Variants in CEACAM18 observed in about 807,000 individuals in gnomAD.
CEACAM18 encodes the protein CEA cell adhesion molecule 18.
CEACAM18 carries 33 observed loss-of-function variants against 34.3 expected under a neutral mutation model. The ratio of observed to expected loss-of-function variants is 0.96; its 90% CI spans 0.73 to 1.29. The LOEUF is 1.29. Ranked by LOEUF, CEACAM18 falls within the 50% of genes most tolerant of loss-of-function variation. The pLI, the probability that CEACAM18 is intolerant of heterozygous loss-of-function variation, is 0.00. For synonymous variants in CEACAM18, 169 were observed against 180.9 expected (o/e 0.93, Z 0.53); for missense variants, 474 against 485.0 (o/e 0.98, Z 0.21).
intron 4 of CEACAM18, among the ~76,000 whole-genome samples, chr19:51,483,744 C>A (rs1989957006): frequency 6.6e-6 from 1 of 152,212 alleles, no homozygotes; most frequent in Non-Finnish European, 1.5e-5. Context: ...ACACCCTCAA[C>A]TGCTCCCTTC....
intron 3 of CEACAM18, 39 bp downstream of exon 3, chr19:51,481,704 G>T (rs761765062): frequency 3.8e-6 from 6 of 1,582,864 alleles, no homozygotes; most frequent in Non-Finnish European, 5.2e-6. Flanking sequence ...GCCAGGGCTG[G>T]TCTCAGGGCT....
chr19:51,478,966 A>G (rs533448170), intron 1 of CEACAM18, among the ~76,000 whole-genome samples: 13 of 141,064 alleles, frequency 9.2e-5, no homozygotes, highest in East Asian at 2.1e-4. Context: ...ACACACACAC[A>G]CGCGCGCACA....
intron 3 of CEACAM18, among the ~76,000 whole-genome samples, chr19:51,482,811 C>T (rs1207780879): frequency 6.6e-6 from 1 of 152,214 alleles, no homozygotes; most frequent in East Asian, 1.9e-4. Flanking sequence ...ATGTAAATGG[C>T]ACCATGGGCC....
rs914502360 is a variant in CEACAM18, at chr19:51,484,978, T to C, written c.954-9T>C. On this transcript the variant is annotated splice_polypyrimidine_tract_variant and intron_variant, in intron 4 of 5. Transcript: ENST00000396477. The stretch of plus-strand genomic sequence containing the variant: ...GTGGTCCTGACCCCCAGGTGTCCTC[T>C]TCCTTCAGGGATCTTACCTGTTGTC... 3 of 1,536,144 alleles carry C rather than the reference T, an allele frequency of 2.0e-6. No homozygotes were observed. The highest frequency in any genetic ancestry group is 2.6e-6 in the Non-Finnish European group (3 of 1,146,902).
intron 5 of CEACAM18, among the ~76,000 whole-genome samples, chr19:51,489,378 CT>C (rs1990052827): frequency 6.6e-6 from 1 of 151,760 alleles, no homozygotes; most frequent in South Asian, 2.1e-4. Context: ...TTCAGCTCCC[CT>C]TCTCCCTCCC....
At chr19:51,484,204 C>T (rs1989963909) in intron 4 of CEACAM18, among the ~76,000 whole-genome samples, 1 of 152,194 alleles carries the variant, frequency 6.6e-6, no homozygotes, top group South Asian at 2.1e-4. Context: ...ACACTACCTC[C>T]TAAGCACCTA....
At chr19:51,483,364 C>G (rs1238739345) in intron 4 of CEACAM18, 68 bp downstream of exon 4, 1 of 1,570,560 alleles carries the variant, frequency 6.4e-7, no homozygotes, top group Non-Finnish European at 8.7e-7. Context: ...CTAGGCAGTG[C>G]CCACCCTCAG....
chr19:51,478,541 GA>G, upstream of CEACAM18: 2 of 1,080,424 alleles, frequency 1.9e-6, no homozygotes, highest in Non-Finnish European at 2.8e-6. Context: ...TGGGAGACGA[GA>G]CCGGCAGCCT....
intron 5 of CEACAM18, among the ~76,000 whole-genome samples, chr19:51,489,262 T>C (rs991105005): frequency 1.3e-5 from 2 of 151,108 alleles, no homozygotes; most frequent in Non-Finnish European, 3.0e-5. Flanking sequence ...CCCCCACATT[T>C]CACCAAGCTC....
At chr19:51,490,659 G>A (rs1990074771) in exon 6 of CEACAM18, 7 of 1,229,572 alleles carry the variant, frequency 5.7e-6, no homozygotes, top group Non-Finnish European at 6.1e-6. Flanking sequence ...GTGAGGAGAG[G>A]GTGATGGAGA....
Position 51,484,977 on chromosome 19 carries a change from C to T in CEACAM18, c.954-10C>T, listed in dbSNP as rs1213918562. 4 of 1,536,132 alleles carry T rather than the reference C, an allele frequency of 2.6e-6. No homozygotes were observed. Among genetic ancestry groups the T allele is most frequent in the South Asian group, 1.2e-5 (1 of 84,054 alleles). ...CGTGGTCCTGACCCCCAGGTGTCCT[C>T]TTCCTTCAGGGATCTTACCTGTTGT... On this transcript the variant is annotated splice_polypyrimidine_tract_variant and intron_variant, in intron 4 of 5. Coordinates refer to ENST00000396477, the Ensembl canonical transcript of CEACAM18.
At chr19:51,478,550 C>G (rs202002299), upstream of CEACAM18, 56 of 1,157,408 alleles carry the variant, frequency 4.8e-5, no homozygotes, top group African/African-American at 7.0e-4. Flanking sequence ...AGACCGGCAG[C>G]CTCTGTGCCA....
At chr19:51,480,816 C>A in intron 2 of CEACAM18, 136 bp downstream of exon 2, 2 of 796,562 alleles carry the variant, frequency 2.5e-6, no homozygotes, top group South Asian at 1.8e-5. Flanking sequence ...GTACCATGGA[C>A]AGCTCCTGGG....
In CEACAM18 at chr19:51,480,691, A is replaced by G; in HGVS notation, c.400+11A>G. Reference sequence around the variant, plus strand: ...GGCTGGAGGTTCTAGGTGGGTTAGCAGGTGCTGTGTTTCCCAACCCCCAAG... The same window carrying G: ...GGCTGGAGGTTCTAGGTGGGTTAGCGGGTGCTGTGTTTCCCAACCCCCAAG... On this transcript the variant is annotated intron_variant, in intron 2 of 5. Transcript: ENST00000396477. 1 of 1,602,852 alleles carries G rather than the reference A, an allele frequency of 6.2e-7. No homozygotes were observed. The highest frequency in any genetic ancestry group is 8.5e-7 in the Non-Finnish European group (1 of 1,173,712).
Position 51,478,666 on chromosome 19 carries a change from G to A in CEACAM18, c.24G>A (p.Trp8Ter), listed in dbSNP as rs1210897253. 1.3e-6 allele frequency: 2 copies of A among 1,499,152 alleles called. No homozygotes were observed. Among genetic ancestry groups the A allele is most frequent in the Non-Finnish European group, 8.9e-7 (1 of 1,120,876 alleles). The allele number at this position is 1,499,152 out of a possible 1,614,324, so 92.9% of individuals were successfully genotyped here. A position where few individuals can be genotyped will look rare whatever the true frequency, so the allele number is the denominator to read the frequency against. Residue 8 changes from tryptophan (W) to a stop codon, truncating the protein, a stop_gained, in exon 1 of 6, where the codon TGG (tryptophan) becomes TGA (stop). Transcript: ENST00000396477. LOFTEE classifies it high-confidence loss of function. ...TCATGGACCTTTCCAGACCCAGATG[G>A]AGCCTGTGGAGGAGGGTCTTCCTCA...
exon 2 of CEACAM18, chr19:51,480,596 G>A: frequency 6.2e-7 from 1 of 1,614,010 alleles, no homozygotes. Flanking sequence ...CAGGCCGACT[G>A]CATTAAATGA....
intron 5 of CEACAM18, among the ~76,000 whole-genome samples, chr19:51,485,973 G>C (rs1219530079): frequency 2.6e-5 from 4 of 152,210 alleles, no homozygotes; most frequent in Admixed American, 2.6e-4. Context: ...GTAGATGTTA[G>C]AAAGTGCAGT....
At chr19:51,479,868 T>C (rs1304131691) in intron 1 of CEACAM18, among the ~76,000 whole-genome samples, 1 of 151,726 alleles carries the variant, frequency 6.6e-6, no homozygotes, top group African/African-American at 2.4e-5. Context: ...AATAAATGAG[T>C]AAAAGGTGCA....
intron 5 of CEACAM18, 26 bp downstream of exon 5, chr19:51,485,148 G>C: frequency 6.8e-7 from 1 of 1,476,964 alleles, no homozygotes; most frequent in South Asian, 1.4e-5. Flanking sequence ...TGGGACAAGG[G>C]TGGGATGTTG....
Sources: gnomAD v4.1 joint callset for allele counts (sites outside exome capture counted in the v4.1 genomes callset) on GRCh38, gnomAD v4.1.1 for gene constraint, MANE v1.5 for transcripts, NCBI Gene and HGNC (gene_info 2026-07-23, HGNC 2026-07-21) for gene names.